The following NPRL3 variants were observed in gnomAD, a reference collection of about 807,000 sequenced individuals.
NPRL3 encodes the protein GATOR1 complex protein NPRL3.
A neutral mutation model predicts 57.2 loss-of-function variants in NPRL3; 23 were observed. That is an observed-to-expected ratio of 0.40 (90% CI 0.29 to 0.57). NPRL3 has a LOEUF of 0.57. NPRL3 is among the 20% of genes least tolerant of loss of function. NPRL3 has a pLI of 0.42. For synonymous variants in NPRL3, 333 were observed against 321.1 expected (o/e 1.04, Z -0.39); for missense variants, 691 against 767.1 (o/e 0.90, Z 1.17).
intron 3 of NPRL3, among the ~76,000 whole-genome samples, chr16:126,679 C>G (rs1008376300): frequency 1.3e-5 from 2 of 152,084 alleles, no homozygotes; most frequent in African/African-American, 4.8e-5. Flanking sequence ...CTGCCCCTAC[C>G]AGTGGTGGGG....
At chr16:93,146 G>T in intron 10 of NPRL3, 73 bp downstream of exon 10, 1 of 966,632 alleles carries the variant, frequency 1.0e-6, no homozygotes, top group Non-Finnish European at 1.6e-6. Flanking sequence ...ACAGAGAACA[G>T]CATCTGGAGG....
chr16:128,513 A>G (rs1429907456), intron 3 of NPRL3, among the ~76,000 whole-genome samples: 1 of 152,226 alleles, frequency 6.6e-6, no homozygotes, highest in Admixed American at 6.5e-5. Flanking sequence ...TCACGCCTGT[A>G]ATCCCAGCAC....
Position 95,348 on chromosome 16 carries a change from TATACACACACAC to T in NPRL3, c.925-2035_925-2024del, listed in dbSNP as rs59683186. Among the ~76,000 whole-genome samples, 375 of 44,996 alleles carry T rather than the reference TATACACACACAC, an allele frequency of 8.3e-3. 1 individual carries two copies. The highest frequency in any genetic ancestry group is 0.014 in the African/African-American group (281 of 20,304). The allele number at this position is 44,996 out of a possible 152,430, so 29.5% of individuals were successfully genotyped here. On this transcript the variant is annotated intron_variant, in intron 9 of 13. Transcript: ENST00000611875. The stretch of plus-strand genomic sequence containing the variant: ...GTGTATATATATATATATATATATA[TATACACACACAC>T]ACACACACACACACACACACACACA...
chr16:112,153 C>T (rs2141949095), intron 6 of NPRL3, among the ~76,000 whole-genome samples: 1 of 152,338 alleles, frequency 6.6e-6, no homozygotes, highest in Admixed American at 6.5e-5. Flanking sequence ...TTCAACATCT[C>T]CAACAGGACC....
At chr16:109,117 C>A (rs924423545) in intron 7 of NPRL3, among the ~76,000 whole-genome samples, 8 of 152,094 alleles carry the variant, frequency 5.3e-5, no homozygotes, top group Admixed American at 2.0e-4. Flanking sequence ...TACACTTGTG[C>A]CACCACACTC....
intron 3 of NPRL3, among the ~76,000 whole-genome samples, chr16:127,992 T>C (rs1278822985): frequency 8.7e-6 from 1 of 115,114 alleles, no homozygotes; most frequent in Non-Finnish European, 1.8e-5. Context: ...TTCCATCTTC[T>C]TCTTTTTTTT....
chr16:106,813 G>A (rs970338093), intron 7 of NPRL3, among the ~76,000 whole-genome samples: 1 of 152,082 alleles, frequency 6.6e-6, no homozygotes, highest in African/African-American at 2.4e-5. Context: ...CACCTGATCA[G>A]TAATGGAAAC....
At chr16:129,166 T>C (rs1438962387) in intron 3 of NPRL3, among the ~76,000 whole-genome samples, 2 of 152,110 alleles carry the variant, frequency 1.3e-5, no homozygotes, top group Non-Finnish European at 2.9e-5. Context: ...TCCTTCTGAG[T>C]CTTCAGCAGC....
At chr16:132,328 A>C (rs1330233415) in intron 2 of NPRL3, among the ~76,000 whole-genome samples, 1 of 152,142 alleles carries the variant, frequency 6.6e-6, no homozygotes, top group African/African-American at 2.4e-5. Context: ...TTCTTTGCCC[A>C]TCCATAACAA....
At chr16:92,931 G>A in intron 10 of NPRL3, 2 of 645,480 alleles carry the variant, frequency 3.1e-6, no homozygotes, top group Non-Finnish European at 5.4e-6. Context: ...CATGGGCACA[G>A]TTCATCCTGC....
intron 2 of NPRL3, among the ~76,000 whole-genome samples, chr16:137,055 A>G: frequency 1.4e-5 from 1 of 69,190 alleles, no homozygotes; most frequent in Non-Finnish European, 2.6e-5. Flanking sequence ...TAAAAAAAAA[A>G]AAAAAAAAAA....
intron 7 of NPRL3, among the ~76,000 whole-genome samples, chr16:102,776 T>G (rs1191523813): frequency 1.3e-5 from 2 of 152,134 alleles, no homozygotes; most frequent in Non-Finnish European, 2.9e-5. Flanking sequence ...TACGGGGTGC[T>G]CAGAGAACAC....
At chr16:94,597 T>G (rs11865714) in intron 9 of NPRL3, among the ~76,000 whole-genome samples, 1,721 of 152,232 alleles carry the variant, frequency 0.011, 32 homozygotes, top group African/African-American at 0.038. Flanking sequence ...CAAAAATTTT[T>G]ATTTAATTAG....
intron 4 of NPRL3, 138 bp downstream of exon 4, chr16:118,988 G>A: frequency 4.6e-6 from 6 of 1,312,948 alleles, no homozygotes; most frequent in Non-Finnish European, 6.3e-6. Context: ...AGCCCCACCT[G>A]CCCAAGGAGA....
chr16:138,099 G>A (rs1289518261), intron 2 of NPRL3, 51 bp downstream of exon 2: 3 of 1,444,408 alleles, frequency 2.1e-6, no homozygotes, highest in South Asian at 1.2e-5. Flanking sequence ...AGGCGACCCC[G>A]GAATGAGGCG....
intron 3 of NPRL3, among the ~76,000 whole-genome samples, chr16:129,058 A>G (rs765587535): frequency 6.6e-6 from 1 of 152,206 alleles, no homozygotes; most frequent in East Asian, 1.9e-4. Flanking sequence ...TTACCTCTTC[A>G]TTACGTTAAA....
intron 9 of NPRL3, among the ~76,000 whole-genome samples, chr16:96,363 A>G (rs954156393): frequency 1.3e-5 from 2 of 152,182 alleles, no homozygotes; most frequent in Non-Finnish European, 2.9e-5. Context: ...GGCATTTACC[A>G]TGTGGTCGGT....
chr16:130,664 G>A (rs576970504), intron 2 of NPRL3, 73 bp from the exon 3 acceptor site: 53 of 1,404,412 alleles, frequency 3.8e-5, no homozygotes, highest in African/African-American at 1.0e-4. Flanking sequence ...TTATGGAACC[G>A]TTAACAGCCA....
At chr16:96,648 CAAAAAAA>C (rs68086908) in intron 9 of NPRL3, among the ~76,000 whole-genome samples, 18 of 100,260 alleles carry the variant, frequency 1.8e-4, no homozygotes, top group Admixed American at 5.6e-4. Context: ...CCGTCTCTAC[CAAAAAAA>C]AAAAAAAAAA....
Sources: allele counts gnomAD v4.1 joint callset (sites outside exome capture counted in the v4.1 genomes callset), GRCh38; gene constraint gnomAD v4.1.1; transcripts MANE v1.5; gene names NCBI Gene and HGNC (gene_info 2026-07-23, HGNC 2026-07-21).